LMBR1: variants seen among roughly 807,000 people sequenced by gnomAD.
LMBR1 encodes limb region 1 protein homolog.
LMBR1 carries 52 observed loss-of-function variants against 73.9 expected under a neutral mutation model. That is an observed-to-expected ratio of 0.70 (90% confidence interval 0.56 to 0.89). LMBR1 has a LOEUF of 0.89. Among genes scored for constraint, LMBR1 ranks in the 40% least tolerant of loss-of-function variants. The pLI is 0.00. For missense variants in LMBR1, 539 were observed against 579.8 expected, an observed-to-expected ratio of 0.93 and a Z score of 0.72; for synonymous variants, 215 against 209.4, an observed-to-expected ratio of 1.03 and a Z score of -0.23.
intron 5 of LMBR1, among the ~76,000 whole-genome samples, chr7:156,764,310 A>AAT: frequency 6.6e-6 from 1 of 152,278 alleles, no homozygotes; most frequent in East Asian, 1.9e-4. Flanking sequence ...TAAACTATAG[A>AAT]GATACTGCTT....
In LMBR1 at chr7:156,802,130, G is replaced by A. The variant is rs144005355; in HGVS notation, c.320-5638C>T. On this transcript the variant is annotated intron_variant, in intron 4 of 16. Transcript: ENST00000353442. ...CCTGAGTAGCTGGGATAACAGGCAC[G>A]CGCCACTGCGCCAGGCTAATTTTTG... Among the ~76,000 whole-genome samples the A allele has an allele frequency of 1.8e-3, 270 of 152,156 alleles. 2 individuals carry two copies. Among genetic ancestry groups the A allele is most frequent in the Middle Eastern group, 6.8e-3 (2 of 294 alleles).
At position 156,678,997 on chromosome 7, in the gene LMBR1, A is replaced by G. The variant is rs886344298; in HGVS notation, c.*5081T>C. 3.3e-5 allele frequency: 5 copies of G among 152,226 alleles called. No homozygotes were observed. The highest frequency in any genetic ancestry group is 1.2e-4 in the African/African-American group (5 of 41,454). The allele number at this position is 152,226 out of a possible 1,614,324, so 9.4% of individuals were successfully genotyped here. A position where few individuals can be genotyped will look rare whatever the true frequency, so the allele number is the denominator to read the frequency against. On this transcript the variant is annotated 3_prime_UTR_variant, in exon 17 of 17. Transcript: ENST00000353442. ...TGTCATGAATCTTTATCAACCAGAT[A>G]ATAGAACTGTAAGGTACATGAATGA...
intron 14 of LMBR1, among the ~76,000 whole-genome samples, 175 bp from the exon 15 acceptor site, chr7:156,724,353 A>G (rs931813994): frequency 1.3e-5 from 2 of 152,204 alleles, no homozygotes; most frequent in Non-Finnish European, 2.9e-5. Context: ...TAAAATAAAT[A>G]AAGTTATATC....
At chr7:156,736,707 T>C (rs1408937395) in intron 9 of LMBR1, 2 of 404,428 alleles carry the variant, frequency 4.9e-6, no homozygotes, top group Non-Finnish European at 5.0e-6. Flanking sequence ...TTTAGCTAGA[T>C]TGATATTCAA....
chr7:156,791,266 A>G (rs776749052), intron 5 of LMBR1, among the ~76,000 whole-genome samples: 6 of 152,152 alleles, frequency 3.9e-5, no homozygotes, highest in Non-Finnish European at 7.3e-5. Context: ...CGCATGTGCC[A>G]CTAACACTAA....
chr7:156,863,762 A>C (rs1798052343), intron 1 of LMBR1, among the ~76,000 whole-genome samples: 1 of 152,198 alleles, frequency 6.6e-6, no homozygotes, highest in Non-Finnish European at 1.5e-5. Flanking sequence ...AATACATTAA[A>C]TATATTTACC....
chr7:156,799,532 G>C (rs138134931), intron 4 of LMBR1, among the ~76,000 whole-genome samples: 231 of 151,722 alleles, frequency 1.5e-3, no homozygotes, highest in African/African-American at 5.4e-3. Flanking sequence ...TGTGTGTGTT[G>C]ACTGCACCTC....
chr7:156,722,095 T>C (rs983933835), intron 15 of LMBR1, among the ~76,000 whole-genome samples: 3 of 152,100 alleles, frequency 2.0e-5, no homozygotes, highest in Non-Finnish European at 2.9e-5. Context: ...GTTGAAATAA[T>C]AGAGAAATTA....
intron 5 of LMBR1, among the ~76,000 whole-genome samples, chr7:156,792,571 A>G (rs1385648854): frequency 1.3e-5 from 2 of 152,258 alleles, no homozygotes; most frequent in African/African-American, 4.8e-5. Context: ...TGGTCCTAAT[A>G]AAATAGAAAC....
intron 1 of LMBR1, among the ~76,000 whole-genome samples, chr7:156,861,716 T>C (rs1240625741): frequency 6.6e-6 from 1 of 152,222 alleles, no homozygotes; most frequent in African/African-American, 2.4e-5. Flanking sequence ...TTCCACCAGA[T>C]ACCCTAAATC....
chr7:156,794,292 A>C (rs1048059524), intron 5 of LMBR1, among the ~76,000 whole-genome samples: 2 of 152,178 alleles, frequency 1.3e-5, no homozygotes, highest in African/African-American at 4.8e-5. Context: ...AAAGACTAAA[A>C]ATTTTTTTAA....
At chr7:156,716,517 G>A (rs1056607731) in intron 15 of LMBR1, among the ~76,000 whole-genome samples, 5 of 152,284 alleles carry the variant, frequency 3.3e-5, no homozygotes, top group South Asian at 2.1e-4. Context: ...AGAAGTGCAC[G>A]CCTAAGCCCT....
At chr7:156,815,261 A>G (rs1833734573) in intron 4 of LMBR1, among the ~76,000 whole-genome samples, 1 of 152,038 alleles carries the variant, frequency 6.6e-6, no homozygotes, top group African/African-American at 2.4e-5. Flanking sequence ...AACTACAGTT[A>G]GCTCTCAACC....
chr7:156,688,943 T>A (rs1157114715), intron 15 of LMBR1, among the ~76,000 whole-genome samples: 3 of 152,158 alleles, frequency 2.0e-5, no homozygotes, highest in Admixed American at 1.3e-4. Flanking sequence ...TTTCCTTCCA[T>A]TAAAAATTGT....
At chr7:156,772,696 A>C (rs1825418931) in intron 5 of LMBR1, among the ~76,000 whole-genome samples, 1 of 151,990 alleles carries the variant, frequency 6.6e-6, no homozygotes, top group African/African-American at 2.4e-5. Context: ...AAAAATAAAA[A>C]AATTAGCTGG....
At chr7:156,881,808 T>TAA (rs60282269) in intron 1 of LMBR1, among the ~76,000 whole-genome samples, 26 of 143,618 alleles carry the variant, frequency 1.8e-4, no homozygotes, top group Middle Eastern at 3.6e-3. Flanking sequence ...TGGCTATGAT[T>TAA]AAAAAAAAAA....
At chr7:156,760,057 G>A (rs1283948909) in intron 8 of LMBR1, among the ~76,000 whole-genome samples, 1 of 152,188 alleles carries the variant, frequency 6.6e-6, no homozygotes, top group African/African-American at 2.4e-5. Flanking sequence ...GGTGACCAGG[G>A]GTGAGTCAGG....
intron 4 of LMBR1, among the ~76,000 whole-genome samples, chr7:156,807,955 T>C (rs1455763141): frequency 6.6e-6 from 1 of 152,188 alleles, no homozygotes; most frequent in Non-Finnish European, 1.5e-5. Flanking sequence ...CTGACACTTA[T>C]TTAATTTCAT....
At chr7:156,691,722 A>C (rs1807215932) in intron 15 of LMBR1, among the ~76,000 whole-genome samples, 1 of 152,050 alleles carries the variant, frequency 6.6e-6, no homozygotes, top group Non-Finnish European at 1.5e-5. Flanking sequence ...TACCAGAAAG[A>C]ACACGTACAT....
Sources: gnomAD v4.1 joint callset for allele counts (sites outside exome capture counted in the v4.1 genomes callset) on GRCh38, gnomAD v4.1.1 for gene constraint, MANE v1.5 for transcripts, NCBI Gene and HGNC (gene_info 2026-07-23, HGNC 2026-07-21) for gene names.